TENM2: variants seen among roughly 807,000 people sequenced by gnomAD.
TENM2 encodes teneurin-2.
A neutral mutation model predicts 245.2 loss-of-function variants in TENM2; 52 were observed. That is an observed-to-expected ratio of 0.21 (90% CI 0.17 to 0.27). The LOEUF is 0.27. TENM2 is among the 10% of genes least tolerant of loss of function. The probability of loss-of-function intolerance (pLI) is 1.00; values close to 1 mark genes in which losing one functional copy is unlikely to be tolerated. For synonymous variants in TENM2, 1,363 were observed against 1,438.9 expected (o/e 0.95, Z 1.19); for missense variants, 3,046 against 3,666.8 (o/e 0.83, Z 4.37).
intron 2 of TENM2, among the ~76,000 whole-genome samples, chr5:167,782,313 C>CAAAAAAAAA (rs767675565): frequency 4.3e-4 from 25 of 58,750 alleles, no homozygotes; most frequent in African/African-American, 1.1e-3. Flanking sequence ...AACTCTGTCT[C>CAAAAAAAAA]AAAAAAAAAA....
the TENM2 span, among the ~76,000 whole-genome samples, chr5:167,260,057 C>CA: frequency 1.3e-5 from 2 of 152,026 alleles, no homozygotes; most frequent in Non-Finnish European, 1.5e-5. Context: ...ACACTTTATA[C>CA]AAAAAATAAA....
intron 2 of TENM2, among the ~76,000 whole-genome samples, chr5:167,730,302 G>T (rs1189673409): frequency 6.6e-6 from 1 of 152,186 alleles, no homozygotes; most frequent in African/African-American, 2.4e-5. Flanking sequence ...GGATAGTTCT[G>T]ACTGGAGCTG....
At chr5:167,363,697 C>T (rs1217664318) in intron 1 of TENM2, among the ~76,000 whole-genome samples, 1 of 126,076 alleles carries the variant, frequency 7.9e-6, no homozygotes, top group Non-Finnish European at 1.6e-5. Context: ...GGCCATTGTA[C>T]TCCAGCCTGG....
At chr5:168,001,637 G>T (rs1051601042) in intron 5 of TENM2, among the ~76,000 whole-genome samples, 1 of 152,178 alleles carries the variant, frequency 6.6e-6, no homozygotes, top group Non-Finnish European at 1.5e-5. Context: ...CTAACCCAAA[G>T]CAAACTTCTA....
chr5:167,745,556 C>T (rs928465030), intron 2 of TENM2, among the ~76,000 whole-genome samples: 1 of 152,178 alleles, frequency 6.6e-6, no homozygotes, highest in Non-Finnish European at 1.5e-5. Context: ...ACATTAGAAG[C>T]TATTTTTAGC....
At chr5:167,242,608 G>A in the TENM2 span, among the ~76,000 whole-genome samples, 1 of 152,120 alleles carries the variant, frequency 6.6e-6, no homozygotes, top group Non-Finnish European at 1.5e-5. Flanking sequence ...CCTTTATGAT[G>A]ATCCACTTTC....
intron 7 of TENM2, among the ~76,000 whole-genome samples, chr5:168,071,496 A>G (rs952642595): frequency 4.6e-5 from 7 of 152,190 alleles, no homozygotes; most frequent in African/African-American, 1.7e-4. Context: ...ACAGGATCAT[A>G]CCACACACAA....
rs147868892 is a variant in TENM2, at chr5:167,978,230, C to T, written c.948-14714C>T. Among the ~76,000 whole-genome samples the T allele has an allele frequency of 7.9e-5, 12 of 152,300 alleles. No homozygotes were observed. In the South Asian group the frequency reaches 1.0e-3, roughly 13 times the overall value. The stretch of plus-strand genomic sequence containing the variant: ...CTCCTTAATAGCAACACAAAGTGTA[C>T]TGAGGCACCTCTATGATGCAGCAAT... On this transcript the variant is annotated intron_variant, in intron 4 of 28. Transcript: ENST00000518659.
chr5:167,253,359 A>G, the TENM2 span, among the ~76,000 whole-genome samples: 1 of 151,780 alleles, frequency 6.6e-6, no homozygotes, highest in East Asian at 2.0e-4. Context: ...CGGCCTCCCA[A>G]AGTGCTGGGA....
the TENM2 span, among the ~76,000 whole-genome samples, chr5:167,221,189 C>G: frequency 5.3e-3 from 809 of 152,140 alleles, 11 homozygotes; most frequent in African/African-American, 0.018. Flanking sequence ...ATGGTCCCTG[C>G]CTTTTGGGGG....
intron 23 of TENM2, among the ~76,000 whole-genome samples, 159 bp from the exon 26 acceptor site, chr5:168,225,929 A>G (rs1196465420): frequency 2.0e-5 from 3 of 152,126 alleles, no homozygotes; most frequent in Non-Finnish European, 4.4e-5. Flanking sequence ...TTCTCCGGGC[A>G]TAATAGGGTT....
chr5:168,127,056 C>G (rs891145480), intron 12 of TENM2, 90 bp downstream of exon 14: 5 of 1,104,110 alleles, frequency 4.5e-6, no homozygotes, highest in Middle Eastern at 2.2e-4. Context: ...CAAGTGCTCT[C>G]CCACATTTCC....
At chr5:167,763,710 A>G (rs533915352) in intron 2 of TENM2, among the ~76,000 whole-genome samples, 30 of 152,262 alleles carry the variant, frequency 2.0e-4, no homozygotes, top group Middle Eastern at 3.4e-3. Flanking sequence ...CTAACTTTTC[A>G]TGAATTTGTT....
intron 10 of TENM2, among the ~76,000 whole-genome samples, chr5:168,122,013 A>G (rs1394044658): frequency 1.3e-5 from 2 of 152,182 alleles, no homozygotes; most frequent in Non-Finnish European, 2.9e-5. Flanking sequence ...TCTGCTTCCT[A>G]TCGGTCCTTT....
intron 2 of TENM2, among the ~76,000 whole-genome samples, chr5:167,587,399 T>C (rs1356124283): frequency 6.6e-6 from 1 of 152,210 alleles, no homozygotes; most frequent in East Asian, 1.9e-4. Flanking sequence ...AGGTTTTCAG[T>C]GACTGTCATT....
intron 2 of TENM2, among the ~76,000 whole-genome samples, chr5:167,785,272 C>G (rs928649960): frequency 6.6e-6 from 1 of 152,114 alleles, no homozygotes. Flanking sequence ...TTATTTCTTC[C>G]CTTTTTCCTC....
intron 5 of TENM2, among the ~76,000 whole-genome samples, chr5:168,040,371 C>T (rs758640680): frequency 1.3e-5 from 2 of 152,132 alleles, no homozygotes; most frequent in Non-Finnish European, 2.9e-5. Flanking sequence ...CTTTGTAATT[C>T]CTGAGCCATA....
chr5:167,628,609 G>GA (rs1778667965), intron 2 of TENM2, among the ~76,000 whole-genome samples: 3 of 152,144 alleles, frequency 2.0e-5, no homozygotes, highest in Admixed American at 2.0e-4. Context: ...TATGGTAGTG[G>GA]AAATCAGGAT....
chr5:167,334,311 G>A (rs1168896856), intron 1 of TENM2, among the ~76,000 whole-genome samples: 1 of 152,152 alleles, frequency 6.6e-6, no homozygotes, highest in African/African-American at 2.4e-5. Context: ...GCAGATCCAT[G>A]ATCACCATAT....
Sources: gnomAD v4.1 joint callset for allele counts (sites outside exome capture counted in the v4.1 genomes callset) on GRCh38, gnomAD v4.1.1 for gene constraint, MANE v1.5 for transcripts, NCBI Gene and HGNC (gene_info 2026-07-23, HGNC 2026-07-21) for gene names.